The following PARD3B variants were observed in gnomAD, a reference collection of about 807,000 sequenced individuals.
PARD3B encodes the protein partitioning defective 3 homolog B.
In PARD3B, 103 loss-of-function variants were observed where a neutral mutation model predicts 130.2. The observed-to-expected ratio is 0.79, with a 90% CI of 0.67 to 0.93. The LOEUF (loss-of-function observed/expected upper bound fraction) is 0.93. Among genes scored for constraint, PARD3B ranks in the 40% least tolerant of loss-of-function variants. The pLI is 0.00. For synonymous variants in PARD3B, 583 were observed against 553.2 expected (o/e 1.05, Z -0.76); for missense variants, 1,609 against 1,499.2 (o/e 1.07, Z -1.21).
At chr2:205,195,219 A>T (rs2036619757) in intron 15 of PARD3B, among the ~76,000 whole-genome samples, 1 of 152,226 alleles carries the variant, frequency 6.6e-6, no homozygotes, top group Non-Finnish European at 1.5e-5. Context: ...TACATATGCC[A>T]TAAATGACAA....
chr2:204,741,999 G>A (rs1341391980), intron 2 of PARD3B, among the ~76,000 whole-genome samples: 2 of 152,136 alleles, frequency 1.3e-5, no homozygotes, highest in African/African-American at 4.8e-5. Context: ...ATGAATGCAT[G>A]TTCTTACACT....
At chr2:205,350,972 G>A (rs1423269291) in intron 18 of PARD3B, among the ~76,000 whole-genome samples, 2 of 151,646 alleles carry the variant, frequency 1.3e-5, no homozygotes, top group African/African-American at 2.4e-5. Context: ...ATAACTTTTT[G>A]GCAATTAGTA....
At chr2:205,482,072 C>G (rs1303429183) in intron 20 of PARD3B, among the ~76,000 whole-genome samples, 1 of 152,130 alleles carries the variant, frequency 6.6e-6, no homozygotes, top group East Asian at 1.9e-4. Context: ...ATGCGAGCCA[C>G]TCCGGGGATC....
intron 19 of PARD3B, among the ~76,000 whole-genome samples, chr2:205,408,532 A>C (rs1177983814): frequency 1.3e-5 from 2 of 152,130 alleles, no homozygotes; most frequent in Non-Finnish European, 2.9e-5. Flanking sequence ...TTCTGGAATT[A>C]ATATTTTGGT....
At chr2:205,094,252 A>G (rs1312980501) in intron 4 of PARD3B, among the ~76,000 whole-genome samples, 1 of 152,228 alleles carries the variant, frequency 6.6e-6, no homozygotes, top group African/African-American at 2.4e-5. Context: ...CAAGAATGAC[A>G]AAGTGAATGG....
In PARD3B at chr2:205,125,718, A is replaced by G. The variant is rs2031307364; in HGVS notation, c.1415A>G (p.His472Arg). 6.2e-6 allele frequency: 10 copies of G among 1,614,050 alleles called. No individual in the cohort carries two copies. The highest frequency in any genetic ancestry group is 8.5e-6 in the Non-Finnish European group (10 of 1,180,014). ...CTGGTCATTGCCCGCCAAGAAGGACATTTTCTGCCCCGAGAGTTGGTAATG... is the reference window on the plus strand; with the variant it reads ...CTGGTCATTGCCCGCCAAGAAGGACGTTTTCTGCCCCGAGAGTTGGTAATG... Reference protein sequence around the residue: ...ASLVIARQEGHFLPRELKGEP... With the variant: ...ASLVIARQEGRFLPRELKGEP... Residue 472 changes from histidine (H) to arginine (R), a missense_variant, in exon 10 of 23, where the codon CAT (histidine) becomes CGT (arginine). Coordinates refer to ENST00000406610, the MANE Select transcript of PARD3B (RefSeq NM_001302769.2). This position sits in a 1 kb window ranked among gnomAD's most constrained non-coding sequence, Gnocchi z 4.0.
At chr2:205,457,727 A>G (rs979864079) in intron 20 of PARD3B, among the ~76,000 whole-genome samples, 1 of 152,066 alleles carries the variant, frequency 6.6e-6, no homozygotes, top group Non-Finnish European at 1.5e-5. Flanking sequence ...TAAAGATATC[A>G]TTCCATTGTT....
At position 205,550,964 on chromosome 2, in the gene PARD3B, T is replaced by C. The variant is rs1249823334; in HGVS notation, c.3181-2360T>C. On this transcript the variant is annotated intron_variant, in intron 21 of 22. Transcript: ENST00000406610. This position sits in a 1 kb window ranked among gnomAD's most constrained non-coding sequence, Gnocchi z 4.5. ...GTGTATATATATATGTGTATATATA[T>C]ATATATATATATACACACACACACA... Among the ~76,000 whole-genome samples, 8 of 111,306 alleles carry C rather than the reference T, an allele frequency of 7.2e-5. No individual in the cohort carries two copies. Among genetic ancestry groups the C allele is most frequent in the African/African-American group, 2.2e-4 (7 of 31,426 alleles). The allele number at this position is 111,306 out of a possible 152,430, so 73.0% of individuals were successfully genotyped here.
chr2:204,748,701 A>G (rs552466592), intron 2 of PARD3B, among the ~76,000 whole-genome samples: 1 of 152,242 alleles, frequency 6.6e-6, no homozygotes, highest in African/African-American at 2.4e-5. Flanking sequence ...TGCATTTTTA[A>G]CAAGTTCCTA....
intron 20 of PARD3B, among the ~76,000 whole-genome samples, chr2:205,469,614 T>C (rs1049418749): frequency 6.6e-6 from 1 of 152,224 alleles, no homozygotes; most frequent in African/African-American, 2.4e-5. Flanking sequence ...TAATCTTGGC[T>C]GATACCTCAA....
intron 3 of PARD3B, among the ~76,000 whole-genome samples, chr2:205,003,153 T>C (rs1230485821): frequency 2.0e-5 from 3 of 152,222 alleles, no homozygotes; most frequent in Admixed American, 6.5e-5. Flanking sequence ...CCGGTCTTTA[T>C]TGTGCTGTGC....
At chr2:204,877,796 A>G (rs1431719141) in intron 2 of PARD3B, among the ~76,000 whole-genome samples, 1 of 152,222 alleles carries the variant, frequency 6.6e-6, no homozygotes, top group Non-Finnish European at 1.5e-5. Context: ...TTTCTACTTC[A>G]GTCTAGCCAA....
rs531214493 is a variant in PARD3B at position 204,970,819 on chromosome 2, T to A, written c.394+5496T>A. On this transcript the variant is annotated intron_variant, in intron 3 of 22. Transcript: ENST00000406610. ...ATATAAAGTAATCTAAGTTTGGAGTTGAAGTGGTATTAGCTTTATTCTCCT... is the reference window on the plus strand; with the variant it reads ...ATATAAAGTAATCTAAGTTTGGAGTAGAAGTGGTATTAGCTTTATTCTCCT... Among the ~76,000 whole-genome samples the A allele has an allele frequency of 2.3e-4, 35 of 152,328 alleles. No individual in the cohort carries two copies. In the South Asian group the frequency reaches 7.0e-3, roughly 31 times the overall value.
intron 3 of PARD3B, among the ~76,000 whole-genome samples, chr2:205,031,822 T>TG (rs1272467675): frequency 1.3e-5 from 2 of 152,046 alleles, no homozygotes; most frequent in South Asian, 2.1e-4. Context: ...ATAGGTCTTG[T>TG]GGGGGAAAAA....
intron 4 of PARD3B, among the ~76,000 whole-genome samples, chr2:205,081,435 C>A (rs1449570087): frequency 3.9e-5 from 6 of 151,938 alleles, no homozygotes; most frequent in African/African-American, 1.2e-4. Flanking sequence ...TGCTATGATG[C>A]TAAGACCTAT....
intron 2 of PARD3B, among the ~76,000 whole-genome samples, chr2:204,778,640 C>T (rs1385922096): frequency 6.6e-6 from 1 of 152,170 alleles, no homozygotes; most frequent in Non-Finnish European, 1.5e-5. Context: ...ATATTCCCCT[C>T]TCTCATCACC....
chr2:204,952,192 A>G (rs920775490), intron 2 of PARD3B, among the ~76,000 whole-genome samples: 3 of 152,216 alleles, frequency 2.0e-5, no homozygotes, highest in African/African-American at 4.8e-5. Context: ...TCAGAAAATA[A>G]TGATAGACAC....
chr2:204,636,453 AGTGTGTGTGTGTGTGTGT>A (rs10596741), intron 1 of PARD3B, among the ~76,000 whole-genome samples: 2 of 139,486 alleles, frequency 1.4e-5, no homozygotes, highest in East Asian at 4.2e-4. Flanking sequence ...AGGTCAGGTG[AGTGTGTGTGTGTGTGTGT>A]GTGTGTGTGT....
intron 4 of PARD3B, among the ~76,000 whole-genome samples, chr2:205,051,073 T>G (rs993958577): frequency 6.6e-6 from 1 of 152,148 alleles, no homozygotes; most frequent in Non-Finnish European, 1.5e-5. Flanking sequence ...CAAGGAAACC[T>G]TGGGAACATA....
Sources: gnomAD v4.1 joint callset for allele counts (sites outside exome capture counted in the v4.1 genomes callset) on GRCh38, gnomAD v4.1.1 for gene constraint, Gnocchi (gnomAD v3.1) non-coding constraint, MANE v1.5 for transcripts, NCBI Gene and HGNC (gene_info 2026-07-23, HGNC 2026-07-21) for gene names.